Variants in GAB2 observed in about 807,000 individuals in gnomAD.
GAB2 encodes GRB2-associated-binding protein 2.
A neutral mutation model predicts 65.5 loss-of-function variants in GAB2; 26 were observed. That is an observed-to-expected ratio of 0.40 (90% CI 0.29 to 0.55). GAB2 has a LOEUF of 0.55. Among genes scored for constraint, GAB2 ranks in the 20% least tolerant of loss-of-function variants. The probability of loss-of-function intolerance (pLI) is 0.53; values close to 1 mark genes in which losing one functional copy is unlikely to be tolerated. For synonymous variants in GAB2, 321 were observed against 329.6 expected (o/e 0.97, Z 0.28); for missense variants, 884 against 875.8 (o/e 1.01, Z -0.12).
intron 2 of GAB2, among the ~76,000 whole-genome samples, chr11:78,256,336 G>T (rs1379556654): frequency 6.6e-6 from 1 of 152,224 alleles, no homozygotes; most frequent in Admixed American, 6.5e-5. Context: ...TGTTAAGAAG[G>T]TGGGAGGAGT....
At chr11:78,409,513 G>A (rs1857099453) in intron 1 of GAB2, among the ~76,000 whole-genome samples, 1 of 152,192 alleles carries the variant, frequency 6.6e-6, no homozygotes, top group Non-Finnish European at 1.5e-5. Flanking sequence ...GCACCCAGGA[G>A]GTGGAGGTTG....
Position 78,215,462 on chromosome 11 carries a change from A to ATACAACAGAATAAATTAATAACT in GAB2, c.*3787_*3809dup, listed in dbSNP as rs2134437311. ...AATATGTTACAATTTAAAAAAAAGA[A>ATACAACAGAATAAATTAATAACT]TACAACAGAATAAATTAATAACTTA... On this transcript the variant is annotated 3_prime_UTR_variant, in exon 10 of 10. Coordinates refer to ENST00000361507, the MANE Select transcript of GAB2 (RefSeq NM_080491.3). The ATACAACAGAATAAATTAATAACT allele has an allele frequency of 6.5e-6, 1 of 152,754 alleles. No homozygotes were observed. Among genetic ancestry groups the ATACAACAGAATAAATTAATAACT allele is most frequent in the Non-Finnish European group, 1.5e-5 (1 of 68,042 alleles). 9.5% of individuals were successfully genotyped at this position (152,754 alleles called of 1,614,324 possible). A position where few individuals can be genotyped will look rare whatever the true frequency, so the allele number is the denominator to read the frequency against.
intron 3 of GAB2, among the ~76,000 whole-genome samples, chr11:78,234,426 C>T (rs1864932718): frequency 6.6e-6 from 1 of 152,064 alleles, no homozygotes; most frequent in African/African-American, 2.4e-5. Flanking sequence ...GTCTCTGATA[C>T]ATTTTAATTT....
intron 1 of GAB2, among the ~76,000 whole-genome samples, chr11:78,326,652 A>G (rs1162070490): frequency 6.6e-6 from 1 of 152,190 alleles, no homozygotes; most frequent in Non-Finnish European, 1.5e-5. Flanking sequence ...GCATTCTGCT[A>G]TGAGCTTCAT....
chr11:78,261,791 A>T (rs1270662998), intron 2 of GAB2, among the ~76,000 whole-genome samples: 2 of 152,096 alleles, frequency 1.3e-5, no homozygotes, highest in African/African-American at 4.8e-5. Flanking sequence ...ACAAATTTAT[A>T]CTCGGAGGAG....
chr11:78,309,978 G>A (rs567661155), intron 1 of GAB2, among the ~76,000 whole-genome samples: 2 of 150,856 alleles, frequency 1.3e-5, no homozygotes, highest in Admixed American at 6.6e-5. Context: ...GTGTGCGCGC[G>A]CGCCTGTGTG....
At position 78,280,889 on chromosome 11, in the gene GAB2, G is replaced by A. The variant is rs142747697; in HGVS notation, c.88C>T (p.Arg30Cys). Residue 30 changes from arginine to cysteine, a missense_variant, in exon 2 of 10, where the codon CGC (arginine) becomes TGC (cysteine). Arg to Cys is a radical substitution (Grantham distance 180). Coordinates refer to ENST00000361507, the MANE Select transcript of GAB2 (RefSeq NM_080491.3). ...CGGCCACTCCGCAGGATAAACCAGC[G>A]TTTCTTCCAGGCCTAAATCATATCA... ...KKLRRYAWKK[R>C]WFILRSGRMS... 1.4e-5 allele frequency: 22 copies of A among 1,613,276 alleles called. No individual in the cohort carries two copies. The highest frequency in any genetic ancestry group is 2.7e-5 in the African/African-American group (2 of 74,910).
chr11:78,325,618 A>T (rs1383504483), intron 1 of GAB2, among the ~76,000 whole-genome samples: 8 of 152,176 alleles, frequency 5.3e-5, no homozygotes, highest in Non-Finnish European at 1.0e-4. Flanking sequence ...GGGGTTTATG[A>T]TGCTAGATTT....
At chr11:78,389,299 C>T (rs1856804401) in intron 1 of GAB2, among the ~76,000 whole-genome samples, 1 of 147,662 alleles carries the variant, frequency 6.8e-6, no homozygotes, top group Non-Finnish European at 1.5e-5. Context: ...GACAGAAAAG[C>T]ATGTGGTTTT....
intron 2 of GAB2, among the ~76,000 whole-genome samples, chr11:78,265,225 A>ATATATAT: frequency 1.2e-5 from 1 of 81,922 alleles, no homozygotes; most frequent in Non-Finnish European, 3.8e-5. Context: ...TATATATATA[A>ATATATAT]AAGCACTCTA....
intron 2 of GAB2, among the ~76,000 whole-genome samples, chr11:78,259,121 G>A (rs1865670296): frequency 6.6e-6 from 1 of 151,966 alleles, no homozygotes; most frequent in Non-Finnish European, 1.5e-5. Flanking sequence ...GAGAACATGT[G>A]GTATTTGGTC....
At chr11:78,387,164 C>G (rs574564421) in intron 1 of GAB2, among the ~76,000 whole-genome samples, 14 of 152,178 alleles carry the variant, frequency 9.2e-5, no homozygotes, top group Non-Finnish European at 1.8e-4. Context: ...ACTTTAGATT[C>G]CGTGTGAGCC....
chr11:78,336,947 T>C (rs1565164615), intron 1 of GAB2, among the ~76,000 whole-genome samples: 1 of 152,220 alleles, frequency 6.6e-6, no homozygotes, highest in East Asian at 1.9e-4. Context: ...TAAAATATCA[T>C]AGTAAAGGGA....
At chr11:78,411,024 G>A (rs940799730) in intron 1 of GAB2, among the ~76,000 whole-genome samples, 1 of 151,868 alleles carries the variant, frequency 6.6e-6, no homozygotes, top group African/African-American at 2.4e-5. Flanking sequence ...ACAGCAGTAC[G>A]CAGCTGTCGT....
intron 2 of GAB2, among the ~76,000 whole-genome samples, chr11:78,263,361 C>G (rs1403187608): frequency 6.8e-6 from 1 of 146,010 alleles, no homozygotes; most frequent in Non-Finnish European, 1.5e-5. Context: ...TGGCCGGGCG[C>G]AGTCACTCAC....
At chr11:78,299,406 T>C (rs745759445) in intron 1 of GAB2, among the ~76,000 whole-genome samples, 8 of 152,208 alleles carry the variant, frequency 5.3e-5, no homozygotes, top group Non-Finnish European at 1.0e-4. Context: ...GCAGAGCTTC[T>C]GGACTGTGCT....
At chr11:78,362,171 CTA>C in intron 1 of GAB2, among the ~76,000 whole-genome samples, 1 of 151,680 alleles carries the variant, frequency 6.6e-6, no homozygotes, top group Non-Finnish European at 1.5e-5. Flanking sequence ...TTTATAATCT[CTA>C]TTAGATATAT....
At chr11:78,394,111 A>AC (rs199884790) in intron 1 of GAB2, among the ~76,000 whole-genome samples, 4,186 of 152,198 alleles carry the variant, frequency 0.028, 163 homozygotes, top group African/African-American at 0.088. Flanking sequence ...ACATGGTGAA[A>AC]CCCCATGTCT....
chr11:78,284,273 A>G (rs955396646), intron 1 of GAB2, among the ~76,000 whole-genome samples: 7 of 152,194 alleles, frequency 4.6e-5, no homozygotes, highest in Non-Finnish European at 1.0e-4. Context: ...GGTCTAGTCC[A>G]CCATTTTGTA....
Sources: allele counts gnomAD v4.1 joint callset (sites outside exome capture counted in the v4.1 genomes callset), GRCh38; gene constraint gnomAD v4.1.1; transcripts MANE v1.5; gene names NCBI Gene and HGNC (gene_info 2026-07-23, HGNC 2026-07-21).